QSER1: variants seen among roughly 807,000 people sequenced by gnomAD.
QSER1 encodes the protein glutamine and serine rich 1.
A neutral mutation model predicts 158.5 loss-of-function variants in QSER1; 49 were observed. The observed-to-expected ratio is 0.31, with a 90% CI of 0.25 to 0.39. The LOEUF (loss-of-function observed/expected upper bound fraction) is 0.39. Ranked by LOEUF, QSER1 falls within the 10% of genes least tolerant of loss-of-function variation. QSER1 has a pLI of 1.00. For missense variants in QSER1, 1,754 were observed against 2,010.3 expected (o/e 0.87, Z 2.44); for synonymous variants, 650 against 715.5 (o/e 0.91, Z 1.46).
At chr11:32,907,219 G>C (rs1231750677) in intron 1 of QSER1, among the ~76,000 whole-genome samples, 3 of 152,128 alleles carry the variant, frequency 2.0e-5, no homozygotes. Context: ...TGTAAGGAAA[G>C]AACAGCACAT....
chr11:32,946,212 C>T (rs144887891), intron 4 of QSER1, among the ~76,000 whole-genome samples: 125,481 of 151,950 alleles, frequency 0.83, 52,174 homozygotes, highest in East Asian at 0.99. Context: ...GTAATTTGAT[C>T]GTCTGAAGCC....
chr11:32,931,673 G>A (rs1852047998), intron 3 of QSER1, 70 bp from the exon 4 acceptor site: 1 of 1,239,858 alleles, frequency 8.1e-7, no homozygotes, highest in South Asian at 1.5e-5. Flanking sequence ...GGTTATGTAA[G>A]TCATTACTAT....
Position 32,978,120 on chromosome 11 carries a change from T to G in QSER1, c.*1646T>G, listed in dbSNP as rs1853008993. 1 of 152,672 alleles carries G rather than the reference T, an allele frequency of 6.5e-6. No individual in the cohort carries two copies. The highest frequency in any genetic ancestry group is 1.5e-5 in the Non-Finnish European group (1 of 68,044). The allele number at this position is 152,672 out of a possible 1,614,324, so 9.5% of individuals were successfully genotyped here. A position where few individuals can be genotyped will look rare whatever the true frequency, so the allele number is the denominator to read the frequency against. ...TATTAAAAGCAATAATCCTTAATACTGTACTTGCCATTAGACTAGGTACTC... is the reference window on the plus strand; with the variant it reads ...TATTAAAAGCAATAATCCTTAATACGGTACTTGCCATTAGACTAGGTACTC... On this transcript the variant is annotated 3_prime_UTR_variant, in exon 13 of 13. Coordinates refer to ENST00000650167, the MANE Select transcript of QSER1 (RefSeq NM_001076786.3).
intron 4 of QSER1, among the ~76,000 whole-genome samples, chr11:32,945,451 G>A (rs1852314102): frequency 6.6e-6 from 1 of 151,560 alleles, no homozygotes; most frequent in African/African-American, 2.4e-5. Context: ...AAAGCTCTCA[G>A]CATTTGCTTG....
At chr11:32,960,870 T>C (rs941609798) in intron 8 of QSER1, among the ~76,000 whole-genome samples, 12 of 152,326 alleles carry the variant, frequency 7.9e-5, no homozygotes, top group Admixed American at 5.9e-4. Context: ...AAGTCAAATA[T>C]TGATAATAAA....
chr11:32,952,534 T>C (rs1195019263), intron 4 of QSER1, among the ~76,000 whole-genome samples: 2 of 152,222 alleles, frequency 1.3e-5, no homozygotes, highest in Non-Finnish European at 2.9e-5. Context: ...TTTTTGTATT[T>C]ATATACTAAG....
intron 7 of QSER1, among the ~76,000 whole-genome samples, chr11:32,957,132 TTC>T (rs1852529678): frequency 1.3e-5 from 2 of 150,152 alleles, no homozygotes; most frequent in African/African-American, 4.9e-5. Context: ...TTCTTTTTTT[TTC>T]TTTTTTTTTT....
In QSER1 at chr11:32,954,199, G is replaced by A. The variant is rs750809267; in HGVS notation, c.4500+20G>A. On this transcript the variant is annotated intron_variant, in intron 5 of 12. Transcript: ENST00000650167. The stretch of plus-strand genomic sequence containing the variant: ...TTTAAGGTGATGTCAGTGTTCACCA[G>A]TGTAAAGGTCATAGTTTAGTTAGTG... 6.3e-7 allele frequency: 1 copy of A among 1,598,384 alleles called. No individual in the cohort carries two copies. Among genetic ancestry groups the A allele is most frequent in the Admixed American group, 1.7e-5 (1 of 59,016 alleles).
chr11:32,902,922 A>G (rs978651013), intron 1 of QSER1, among the ~76,000 whole-genome samples: 1 of 152,210 alleles, frequency 6.6e-6, no homozygotes, highest in Non-Finnish European at 1.5e-5. Flanking sequence ...CGTTGCTAGT[A>G]AGTGGCAGAG....
chr11:32,954,585 C>T (rs1852479805), intron 5 of QSER1, among the ~76,000 whole-genome samples: 2 of 152,068 alleles, frequency 1.3e-5, no homozygotes, highest in South Asian at 2.1e-4. Flanking sequence ...AGTTGTATAA[C>T]CATGAAGAGA....
intron 4 of QSER1, among the ~76,000 whole-genome samples, chr11:32,944,788 C>G (rs1852301096): frequency 7.1e-6 from 1 of 141,196 alleles, no homozygotes; most frequent in Admixed American, 7.2e-5. Context: ...TCCTGGGTAT[C>G]CTTGTTGACT....
At chr11:32,973,215 T>G (rs1188922127) in intron 10 of QSER1, among the ~76,000 whole-genome samples, 182 bp from the exon 11 acceptor site, 1 of 152,174 alleles carries the variant, frequency 6.6e-6, no homozygotes, top group Non-Finnish European at 1.5e-5. Flanking sequence ...AACCTGTGTA[T>G]GTATATGTAT....
At chr11:32,944,505 T>C (rs1040813465) in intron 4 of QSER1, among the ~76,000 whole-genome samples, 1 of 152,076 alleles carries the variant, frequency 6.6e-6, no homozygotes, top group African/African-American at 2.4e-5. Context: ...CCAGTAGTCA[T>C]TCAGGAGCAG....
chr11:32,941,543 C>T lies in QSER1; in HGVS notation c.4177+6108C>T, dbSNP rs534922690. Among the ~76,000 whole-genome samples, 3 of 151,990 alleles carry T rather than the reference C, an allele frequency of 2.0e-5. No homozygotes were observed. The South Asian group carries it at 6.2e-4, about 32-fold the overall frequency. On this transcript the variant is annotated intron_variant, in intron 4 of 12. Transcript: ENST00000650167. ...GATGATTTCCAATTTCATCCATGTC[C>T]CTACAAAGGACACGAACTCATCATT...
chr11:32,896,707 C>T (rs964771971), intron 1 of QSER1, among the ~76,000 whole-genome samples: 4 of 152,080 alleles, frequency 2.6e-5, no homozygotes, highest in Non-Finnish European at 5.9e-5. Context: ...GCCTTTCTAA[C>T]TTGAAATAAC....
intron 4 of QSER1, among the ~76,000 whole-genome samples, chr11:32,948,220 G>A (rs1035667845): frequency 1.3e-5 from 2 of 152,154 alleles, no homozygotes; most frequent in Admixed American, 6.5e-5. Context: ...GAAACTAATA[G>A]GATGTGGCCA....
rs755499370 is a variant in QSER1 at position 32,933,509 on chromosome 11, A to C, written c.2251A>C (p.Ile751Leu). Residue 751 changes from isoleucine to leucine, a missense_variant, in exon 4 of 13, where the codon ATT (isoleucine) becomes CTT (leucine). This residue lies in a region of QSER1 where 1,707 missense variants were observed against 1,919.6 expected (regional missense o/e 0.89). Transcript: ENST00000650167. ...RSNSRLEDQV[I>L]GVALQASKKE... is the part of the protein sequence containing the mutation. ...TAATTCCCGTCTTGAAGATCAAGTT[A>C]TTGGGGTTGCTCTGCAAGCATCAAA... is the stretch of plus-strand genomic sequence containing the variant. The C allele has an allele frequency of 1.3e-5, 21 of 1,612,448 alleles. No homozygotes were observed. The Admixed American group carries it at 3.5e-4, about 27-fold the overall frequency.
At chr11:32,911,919 A>G (rs1476608179) in intron 1 of QSER1, among the ~76,000 whole-genome samples, 1 of 152,206 alleles carries the variant, frequency 6.6e-6, no homozygotes, top group Non-Finnish European at 1.5e-5. Context: ...GAAGAGTGGT[A>G]CTTCAGTTGA....
rs1247437078 is a variant in QSER1, at chr11:32,973,380, G to C, written c.5206-17G>C. On this transcript the variant is annotated splice_polypyrimidine_tract_variant and intron_variant, in intron 10 of 12. Coordinates refer to ENST00000650167, the MANE Select transcript of QSER1 (RefSeq NM_001076786.3). ...GTTTTCTTCTGGTGTCAGTTATTTTGCTTCATTGTTTTCCAGAATGCTTTG... is the reference window on the plus strand; with the variant it reads ...GTTTTCTTCTGGTGTCAGTTATTTTCCTTCATTGTTTTCCAGAATGCTTTG... The C allele has an allele frequency of 1.2e-6, 2 of 1,611,732 alleles. No individual in the cohort carries two copies. Among genetic ancestry groups the C allele is most frequent in the Non-Finnish European group, 1.7e-6 (2 of 1,179,220 alleles).
Sources: allele counts gnomAD v4.1 joint callset (sites outside exome capture counted in the v4.1 genomes callset), GRCh38; gene constraint gnomAD v4.1.1; regional missense constraint gnomAD v4.1.1; transcripts MANE v1.5; gene names NCBI Gene and HGNC (gene_info 2026-07-23, HGNC 2026-07-21).